MRC1: variants seen among roughly 807,000 people sequenced by gnomAD.
The protein encoded by MRC1 is macrophage mannose receptor 1.
MRC1 carries 62 observed loss-of-function variants against 102.9 expected under a neutral mutation model. The observed-to-expected ratio is 0.60, with a 90% confidence interval of 0.49 to 0.74. The LOEUF is 0.74. Ranked by LOEUF, MRC1 falls within the 30% of genes least tolerant of loss-of-function variation. The pLI is 0.00. For synonymous variants in MRC1, 457 were observed against 298.4 expected, an observed-to-expected ratio of 1.53 and a Z score of -5.48; for missense variants, 1,237 against 862.8, an observed-to-expected ratio of 1.43 and a Z score of -5.43.
chr10:17,813,150 G>A (rs962351812), intron 1 of MRC1, among the ~76,000 whole-genome samples: 27,785 of 152,146 alleles, frequency 0.18, 3,089 homozygotes, highest in Non-Finnish European at 0.25. Flanking sequence ...TGACTGTTTA[G>A]CAGGTAGATG....
intron 7 of MRC1, 119 bp from the exon 8 acceptor site, chr10:17,852,848 T>C (rs1021509515): frequency 0.016 from 12,419 of 767,672 alleles, 235 homozygotes; most frequent in African/African-American, 0.071. Context: ...TTCATGATGG[T>C]GATCATATCA....
chr10:17,890,796 A>G (rs1431288903), intron 22 of MRC1, among the ~76,000 whole-genome samples: 1 of 152,162 alleles, frequency 6.6e-6, no homozygotes, highest in Non-Finnish European at 1.5e-5. Flanking sequence ...ATGGGTACCA[A>G]TCCATGGCCT....
chr10:17,828,789 C>G (rs1838523240), intron 3 of MRC1, among the ~76,000 whole-genome samples: 2 of 151,582 alleles, frequency 1.3e-5, no homozygotes, highest in South Asian at 2.1e-4. Context: ...ATCGCATTAT[C>G]TTAGTGGGAA....
chr10:17,841,712 C>T (rs1402040067), intron 5 of MRC1, among the ~76,000 whole-genome samples: 1 of 151,410 alleles, frequency 6.6e-6, no homozygotes, highest in Non-Finnish European at 1.5e-5. Context: ...TAAATTCAAT[C>T]CCCACCCCTC....
At chr10:17,828,230 C>G (rs1195024008) in intron 3 of MRC1, among the ~76,000 whole-genome samples, 1 of 151,964 alleles carries the variant, frequency 6.6e-6, no homozygotes, top group African/African-American at 2.4e-5. Context: ...GCGCCCGCCA[C>G]CACGCCTGGC....
At chr10:17,829,645 G>C (rs1300426797) in intron 3 of MRC1, among the ~76,000 whole-genome samples, 1 of 151,544 alleles carries the variant, frequency 6.6e-6, no homozygotes. Context: ...TGGTTTTCAA[G>C]TGATTGAAAG....
intron 4 of MRC1, among the ~76,000 whole-genome samples, chr10:17,837,285 T>A (rs1327421321): frequency 5.3e-5 from 8 of 152,226 alleles, no homozygotes; most frequent in Non-Finnish European, 1.0e-4. Flanking sequence ...ATGGCATCTC[T>A]AACGAGATTT....
intron 1 of MRC1, among the ~76,000 whole-genome samples, chr10:17,817,819 A>T (rs1025884497): frequency 6.6e-6 from 1 of 152,208 alleles, no homozygotes; most frequent in Non-Finnish European, 1.5e-5. Flanking sequence ...TGTGGTTAAT[A>T]TTGGTAAAAA....
chr10:17,823,006 T>C, intron 1 of MRC1, 68 bp from the exon 2 acceptor site: 2 of 768,468 alleles, frequency 2.6e-6, no homozygotes, highest in South Asian at 1.4e-5. Context: ...AAGATCGTCC[T>C]TGTTACATGA....
rs1589191464 is a variant in MRC1 at position 17,885,395 on chromosome 10, G to T, written c.3107G>T (p.Gly1036Val). 5 of 780,750 alleles carry T rather than the reference G, an allele frequency of 6.4e-6. No individual in the cohort carries two copies. In the East Asian group the frequency reaches 9.7e-5, roughly 15 times the overall value. The allele number at this position is 780,750 out of a possible 1,614,324, so 48.4% of individuals were successfully genotyped here. A position where few individuals can be genotyped will look rare whatever the true frequency, so the allele number is the denominator to read the frequency against. ...RGVHYTNWGK[G>V]YPGGRRSSLS... The stretch of plus-strand genomic sequence containing the variant: ...GTCCATTACACAAACTGGGGGAAAG[G>T]TTACCCTGGTGGAAGAAGAAGCAGT... Residue 1036 changes from glycine to valine, a missense_variant, in exon 22 of 30, where the codon GGT becomes GTT. Coordinates refer to ENST00000569591, the MANE Select transcript of MRC1 (RefSeq NM_002438.4).
chr10:17,907,911 T>C (rs1833917641), intron 28 of MRC1, among the ~76,000 whole-genome samples: 1 of 152,196 alleles, frequency 6.6e-6, no homozygotes, highest in Non-Finnish European at 1.5e-5. Context: ...GTTGTATTGA[T>C]TTTTGTTTAT....
At chr10:17,841,351 A>G (rs2130626658) in intron 5 of MRC1, among the ~76,000 whole-genome samples, 1 of 152,270 alleles carries the variant, frequency 6.6e-6, no homozygotes, top group East Asian at 1.9e-4. Flanking sequence ...CTACATTAAC[A>G]CCCACTTTTC....
intron 7 of MRC1, among the ~76,000 whole-genome samples, chr10:17,850,906 T>C (rs980893775): frequency 3.3e-4 from 50 of 152,210 alleles, no homozygotes; most frequent in African/African-American, 1.1e-3. Context: ...GTTGACCCCA[T>C]TGAGTGTCTT....
At chr10:17,909,996 A>T (rs1364765525) in intron 29 of MRC1, among the ~76,000 whole-genome samples, 1 of 152,250 alleles carries the variant, frequency 6.6e-6, no homozygotes, top group Non-Finnish European at 1.5e-5. Context: ...ACTGCTACAT[A>T]GACAGATGGA....
chr10:17,862,649 A>T (rs1025661310), intron 10 of MRC1, among the ~76,000 whole-genome samples: 1 of 152,162 alleles, frequency 6.6e-6, no homozygotes. Context: ...CGAGTTTGGA[A>T]CTTTTAATTT....
intron 1 of MRC1, among the ~76,000 whole-genome samples, chr10:17,819,909 C>T (rs1273650416): frequency 6.6e-6 from 1 of 152,174 alleles, no homozygotes; most frequent in African/African-American, 2.4e-5. Flanking sequence ...TGCACTACTG[C>T]ACTCCAGCTT....
intron 1 of MRC1, among the ~76,000 whole-genome samples, chr10:17,822,533 A>T (rs1277978063): frequency 6.6e-6 from 1 of 152,206 alleles, no homozygotes; most frequent in Non-Finnish European, 1.5e-5. Flanking sequence ...AGGCAGGAAG[A>T]TCACTTGAGC....
chr10:17,813,790 C>T (rs1055847719), intron 1 of MRC1, among the ~76,000 whole-genome samples: 4 of 150,886 alleles, frequency 2.7e-5, no homozygotes, highest in Admixed American at 2.0e-4. Flanking sequence ...CTTGACTTCC[C>T]GGGGTCAAGT....
At chr10:17,859,795 G>A (rs1052757675) in intron 9 of MRC1, among the ~76,000 whole-genome samples, 3 of 152,114 alleles carry the variant, frequency 2.0e-5, no homozygotes, top group African/African-American at 7.2e-5. Flanking sequence ...TTAATTTTTT[G>A]GCTGTGGGTT....
Sources: allele counts gnomAD v4.1 joint callset (sites outside exome capture counted in the v4.1 genomes callset), GRCh38; gene constraint gnomAD v4.1.1; transcripts MANE v1.5; gene names NCBI Gene and HGNC (gene_info 2026-07-23, HGNC 2026-07-21).